SPTB: variants seen among roughly 807,000 people sequenced by gnomAD.
The protein encoded by SPTB is spectrin beta, erythrocytic, also known as spectrin beta chain, erythrocytic.
In SPTB, 45 loss-of-function variants were observed where a neutral mutation model predicts 256.2. The ratio of observed to expected loss-of-function variants is 0.18; its 90% CI spans 0.14 to 0.23. The LOEUF (loss-of-function observed/expected upper bound fraction) is 0.23, where lower values mean the gene tolerates loss of function less well. Ranked by LOEUF, SPTB falls within the 10% of genes least tolerant of loss-of-function variation. The probability of loss-of-function intolerance (pLI) is 1.00; values close to 1 mark genes in which losing one functional copy is unlikely to be tolerated. For missense variants in SPTB, 2,715 were observed against 3,040.4 expected (o/e 0.89, Z 2.52); for synonymous variants, 1,231 against 1,243.1 (o/e 0.99, Z 0.21).
intron 1 of SPTB, among the ~76,000 whole-genome samples, chr14:64,872,744 G>A (rs902409124): frequency 3.9e-5 from 6 of 152,176 alleles, no homozygotes; most frequent in Non-Finnish European, 8.8e-5. Flanking sequence ...TCGTGGGAGG[G>A]ACCCGGTGGG....
At chr14:64,751,475 C>T (rs1394681555) in intron 33 of SPTB, among the ~76,000 whole-genome samples, 1 of 152,142 alleles carries the variant, frequency 6.6e-6, no homozygotes, top group Non-Finnish European at 1.5e-5. Context: ...AAGACTTTCA[C>T]AATCCCTTTA....
chr14:64,798,161 G>C (rs745704285), intron 9 of SPTB, among the ~76,000 whole-genome samples: 9 of 152,186 alleles, frequency 5.9e-5, no homozygotes, highest in Admixed American at 2.6e-4. Context: ...TAAATATCAA[G>C]TTGTACGGAT....
At chr14:64,769,229 T>G in intron 28 of SPTB, 111 bp from the exon 29 acceptor site, 1 of 1,105,996 alleles carries the variant, frequency 9.0e-7, no homozygotes, top group African/African-American at 1.5e-5. Context: ...CAGCCCTGGC[T>G]TCAAGTCTTG....
chr14:64,794,189 C>T (rs1029374856), intron 13 of SPTB, among the ~76,000 whole-genome samples: 2 of 152,144 alleles, frequency 1.3e-5, no homozygotes, highest in African/African-American at 4.8e-5. Flanking sequence ...TTATTTAAAA[C>T]AAGAATCTGG....
At position 64,778,642 on chromosome 14, in the gene SPTB, A is replaced by C. The variant is rs137912596; in HGVS notation, c.4563+515T>G. Among the ~76,000 whole-genome samples, 14 of 152,320 alleles carry C rather than the reference A, an allele frequency of 9.2e-5. No individual in the cohort carries two copies. The highest frequency in any genetic ancestry group is 3.1e-4 in the African/African-American group (13 of 41,570). ...AGGGATGTTTGCTCCAAGGGCTCAG[A>C]GTCCAAAGTTAGTGGCTTCCTAATG... On this transcript the variant is annotated intron_variant, in intron 22 of 35. Coordinates refer to ENST00000644917, the MANE Select transcript of SPTB (RefSeq NM_001355436.2). This position sits in a 1 kb window ranked among gnomAD's most constrained non-coding sequence, Gnocchi z 5.2.
At position 64,793,972 on chromosome 14, in the gene SPTB, ATG is replaced by A; in HGVS notation, c.1796-107_1796-106del. The A allele has an allele frequency of 3.3e-6, 4 of 1,223,044 alleles. No individual in the cohort carries two copies. The South Asian group carries it at 4.6e-5, about 14-fold the overall frequency. 75.8% of individuals were successfully genotyped at this position (1,223,044 alleles called of 1,614,324 possible). A position where few individuals can be genotyped will look rare whatever the true frequency, so the allele number is the denominator to read the frequency against. On this transcript the variant is annotated intron_variant, in intron 13 of 35. Coordinates refer to ENST00000644917, the MANE Select transcript of SPTB (RefSeq NM_001355436.2). This position sits in a 1 kb window ranked among gnomAD's most constrained non-coding sequence, Gnocchi z 7.0. ...GGAACTACACAACCCTGAAGCTGCC[ATG>A]TCACTGGGGCTTTGGGGTTGGATGC...
At chr14:64,808,647 G>A (rs934694331) in intron 2 of SPTB, among the ~76,000 whole-genome samples, 4 of 152,138 alleles carry the variant, frequency 2.6e-5, no homozygotes, top group African/African-American at 9.7e-5. Flanking sequence ...CCTAGGTGCT[G>A]CAGGGGCGTT....
In SPTB at chr14:64,775,225, C is replaced by T; in HGVS notation, c.4742G>A (p.Arg1581Lys). 6.2e-7 allele frequency: 1 copy of T among 1,613,842 alleles called. No individual in the cohort carries two copies. The highest frequency in any genetic ancestry group is 8.5e-7 in the Non-Finnish European group (1 of 1,180,034). ...EAAAGRLQRL[R>K]DANEAQQYYL... ...GTACTGCTGTGCCTCGTTGGCGTCCCTCAGTCGCTGCAGCCTCCCGGCCGC... is the reference window on the plus strand; with the variant it reads ...GTACTGCTGTGCCTCGTTGGCGTCCTTCAGTCGCTGCAGCCTCCCGGCCGC... The change falls in exon 23 of 36, where the codon AGG becomes AAG. Residue 1581 changes from arginine to lysine, a missense_variant. Coordinates refer to ENST00000644917, the MANE Select transcript of SPTB (RefSeq NM_001355436.2). The surrounding 1 kb of genome is among the most constrained non-coding windows in gnomAD (Gnocchi z 5.0).
rs2082205149 is a variant in SPTB, at chr14:64,767,532, C to T, written c.6219+131G>A. ...TACTTCCTGCCACTTGTCTTTCCTT[C>T]CCATTGTCGCTGCTGGCCAAGCCTG... On this transcript the variant is annotated intron_variant, in intron 30 of 35. Coordinates refer to ENST00000644917, the MANE Select transcript of SPTB (RefSeq NM_001355436.2). The T allele has an allele frequency of 2.1e-6, 3 of 1,399,896 alleles. No individual in the cohort carries two copies. In the South Asian group the frequency reaches 3.5e-5, roughly 16 times the overall value. 86.7% of individuals were successfully genotyped at this position (1,399,896 alleles called of 1,614,324 possible).
chr14:64,805,180 T>A, intron 2 of SPTB, 90 bp from the exon 3 acceptor site: 1 of 1,458,786 alleles, frequency 6.9e-7, no homozygotes. Flanking sequence ...AAGCCCAGGG[T>A]ACCCCCATGC....
At chr14:64,794,260 C>T (rs1022024495) in intron 13 of SPTB, among the ~76,000 whole-genome samples, 4 of 152,210 alleles carry the variant, frequency 2.6e-5, no homozygotes, top group Non-Finnish European at 5.9e-5. Context: ...CAGAGGGTGC[C>T]TCCTTGGTGA....
intron 1 of SPTB, among the ~76,000 whole-genome samples, chr14:64,833,550 CA>C (rs11334742): frequency 0.16 from 20,222 of 129,894 alleles, 2,288 homozygotes; most frequent in African/African-American, 0.34. Context: ...GAGTCCATCT[CA>C]AAAAAAAAAA....
intron 9 of SPTB, 133 bp from the exon 10 acceptor site, chr14:64,797,979 A>C: frequency 1.3e-6 from 1 of 760,274 alleles, no homozygotes; most frequent in Non-Finnish European, 2.4e-6. Flanking sequence ...ACACAGAAAA[A>C]CTAAAGAGAA....
chr14:64,782,990 G>T (rs1452396079), intron 19 of SPTB, among the ~76,000 whole-genome samples: 1 of 152,168 alleles, frequency 6.6e-6, no homozygotes, highest in East Asian at 1.9e-4. Flanking sequence ...TGCAGACAAG[G>T]GTCAGCTGCT....
chr14:64,804,652 C>T (rs1421208082), intron 3 of SPTB, among the ~76,000 whole-genome samples: 1 of 152,156 alleles, frequency 6.6e-6, no homozygotes, highest in Non-Finnish European at 1.5e-5. Context: ...GAGGGCCAGG[C>T]CATCACAGGC....
At chr14:64,766,298 C>A (rs229602) in intron 32 of SPTB, 28,598 of 827,506 alleles carry the variant, frequency 0.035, 913 homozygotes, top group African/African-American at 0.13. Flanking sequence ...GGGCATGTGC[C>A]TGTGTGTAGG....
intron 23 of SPTB, 91 bp from the exon 24 acceptor site, chr14:64,774,618 G>A (rs923692226): frequency 6.5e-7 from 1 of 1,530,114 alleles, no homozygotes; most frequent in Admixed American, 2.0e-5. Flanking sequence ...AGGTGCCCGA[G>A]GGAGGAGGGG....
intron 15 of SPTB, among the ~76,000 whole-genome samples, chr14:64,791,200 G>C (rs1222237797): frequency 6.6e-6 from 1 of 152,142 alleles, no homozygotes; most frequent in Non-Finnish European, 1.5e-5. Context: ...TCCCTGGGCT[G>C]TTCACCACCT....
At chr14:64,794,669 C>T (rs368173221) in intron 12 of SPTB, 52 bp from the exon 13 acceptor site, 13 of 1,610,944 alleles carry the variant, frequency 8.1e-6, no homozygotes, top group African/African-American at 4.0e-5. Flanking sequence ...GAGACCTACA[C>T]ATTAGGAGAA....
Sources: allele counts gnomAD v4.1 joint callset (sites outside exome capture counted in the v4.1 genomes callset), GRCh38; gene constraint gnomAD v4.1.1; non-coding constraint Gnocchi (gnomAD v3.1); transcripts MANE v1.5; gene names NCBI Gene and HGNC (gene_info 2026-07-23, HGNC 2026-07-21).